Variants in TNR observed in about 807,000 individuals in gnomAD.
TNR encodes tenascin-R.
In TNR, 45 loss-of-function variants were observed where a neutral mutation model predicts 150.4. The ratio of observed to expected loss-of-function variants is 0.30; its 90% CI spans 0.24 to 0.38. The LOEUF is 0.38. TNR is among the 10% of genes least tolerant of loss of function. The pLI, the probability that TNR is intolerant of heterozygous loss-of-function variation, is 1.00. For synonymous variants in TNR, 687 were observed against 678.4 expected, an observed-to-expected ratio of 1.01 and a Z score of -0.20; for missense variants, 1,544 against 1,759.1, an observed-to-expected ratio of 0.88 and a Z score of 2.19.
intron 1 of TNR, among the ~76,000 whole-genome samples, chr1:175,650,914 C>T (rs1380941546): frequency 2.2e-5 from 2 of 91,854 alleles, no homozygotes; most frequent in South Asian, 4.1e-4. Flanking sequence ...CACCTCATTA[C>T]TACCCCTCCC....
At chr1:175,624,437 T>A (rs1036410748) in intron 1 of TNR, among the ~76,000 whole-genome samples, 2 of 152,090 alleles carry the variant, frequency 1.3e-5, no homozygotes, top group African/African-American at 4.8e-5. Context: ...TTATGACTGG[T>A]ATCTTTATAA....
intron 2 of TNR, among the ~76,000 whole-genome samples, chr1:175,431,728 A>G (rs931571280): frequency 1.3e-4 from 20 of 151,498 alleles, no homozygotes; most frequent in African/African-American, 4.6e-4. Context: ...AGTAGTGGTC[A>G]TGGTGGTAGT....
intron 1 of TNR, among the ~76,000 whole-genome samples, chr1:175,668,593 G>A (rs767442900): frequency 2.0e-5 from 3 of 152,118 alleles, no homozygotes; most frequent in South Asian, 2.1e-4. Context: ...TGGCTGTCAC[G>A]AATACTGACA....
At chr1:175,617,378 A>C (rs559690980) in intron 1 of TNR, among the ~76,000 whole-genome samples, 39 of 152,112 alleles carry the variant, frequency 2.6e-4, no homozygotes, top group African/African-American at 8.4e-4. Context: ...TCCCAGACAC[A>C]GCTTGCATTT....
intron 1 of TNR, among the ~76,000 whole-genome samples, chr1:175,703,033 TA>T (rs1666741776): frequency 6.6e-6 from 1 of 151,320 alleles, no homozygotes; most frequent in East Asian, 1.9e-4. Context: ...GAAAATTTTT[TA>T]AATAAAAGAA....
intron 9 of TNR, among the ~76,000 whole-genome samples, chr1:175,378,278 C>T (rs748575822): frequency 1.2e-4 from 18 of 151,428 alleles, no homozygotes; most frequent in Non-Finnish European, 2.6e-4. Context: ...CAATCCATGC[C>T]CAAGTCATAG....
chr1:175,735,696 T>C (rs1216488673), intron 1 of TNR, among the ~76,000 whole-genome samples: 1 of 152,094 alleles, frequency 6.6e-6, no homozygotes, highest in African/African-American at 2.4e-5. Flanking sequence ...GTTCTTCTTA[T>C]GGAAAACAAA....
chr1:175,739,800 C>CACAAGCTCTATCACAAG (rs1157303562), intron 1 of TNR, among the ~76,000 whole-genome samples: 1 of 152,170 alleles, frequency 6.6e-6, no homozygotes, highest in African/African-American at 2.4e-5. Context: ...AATGAACTCT[C>CACAAGCTCTATCACAAG]CTCTTTCTTT....
At chr1:175,472,552 G>A (rs777629184) in intron 2 of TNR, among the ~76,000 whole-genome samples, 29 of 152,096 alleles carry the variant, frequency 1.9e-4, no homozygotes, top group African/African-American at 6.3e-4. Context: ...TAATGCATTG[G>A]GCTACAACAT....
chr1:175,699,322 A>G (rs558307974), intron 1 of TNR, among the ~76,000 whole-genome samples: 25 of 152,318 alleles, frequency 1.6e-4, no homozygotes, highest in Non-Finnish European at 3.4e-4. Flanking sequence ...ATGGACAGGA[A>G]AGATAGTGTG....
chr1:175,695,042 CA>C (rs1463344587), intron 1 of TNR, among the ~76,000 whole-genome samples: 1 of 152,230 alleles, frequency 6.6e-6, no homozygotes, highest in Non-Finnish European at 1.5e-5. Flanking sequence ...ACTCCCCCTT[CA>C]AAAGGTGGAG....
At chr1:175,354,297 A>T in intron 18 of TNR, 94 bp downstream of exon 18, 3 of 1,499,278 alleles carry the variant, frequency 2.0e-6, no homozygotes, top group Non-Finnish European at 2.7e-6. Flanking sequence ...CTTTTTTGAT[A>T]AACTGCTCCC....
At chr1:175,690,475 G>T (rs1353909187) in intron 1 of TNR, among the ~76,000 whole-genome samples, 1 of 152,190 alleles carries the variant, frequency 6.6e-6, no homozygotes, top group African/African-American at 2.4e-5. Context: ...AGAGCAAGAA[G>T]GGGCATTCCA....
chr1:175,661,938 C>A (rs1041773149), intron 1 of TNR, among the ~76,000 whole-genome samples: 9 of 151,978 alleles, frequency 5.9e-5, no homozygotes, highest in Middle Eastern at 3.2e-3. Context: ...TAAGACCAGA[C>A]AAAGCTACTC....
intron 2 of TNR, among the ~76,000 whole-genome samples, chr1:175,467,170 C>G (rs1417578993): frequency 1.3e-5 from 2 of 152,036 alleles, no homozygotes; most frequent in African/African-American, 4.8e-5. Flanking sequence ...TTCTAAGTGC[C>G]CTAGAGTCCT....
At chr1:175,559,368 T>C (rs534216345) in intron 1 of TNR, among the ~76,000 whole-genome samples, 4 of 152,162 alleles carry the variant, frequency 2.6e-5, no homozygotes, top group Non-Finnish European at 4.4e-5. Context: ...ATTTCAAACA[T>C]AGAAAATGAT....
chr1:175,514,559 AT>A lies in TNR; in HGVS notation c.-64+13709del, dbSNP rs1659325176. Among the ~76,000 whole-genome samples the A allele has an allele frequency of 5.3e-5, 8 of 152,356 alleles. No homozygotes were observed. The South Asian group carries it at 1.7e-3, about 32-fold the overall frequency. ...AGCTGGACTATTCAACCAGGGAACC[AT>A]GGTTCCCAGGGAAACAGTCTGAGAA... is the stretch of plus-strand genomic sequence containing the variant. On this transcript the variant is annotated intron_variant, in intron 2 of 22. Coordinates refer to ENST00000367674, the MANE Select transcript of TNR (RefSeq NM_003285.3).
chr1:175,504,563 T>C (rs1012775404), intron 2 of TNR, among the ~76,000 whole-genome samples: 1 of 152,182 alleles, frequency 6.6e-6, no homozygotes, highest in Admixed American at 6.5e-5. Flanking sequence ...GGCTGCTGTC[T>C]CCAGGTCTAC....
At chr1:175,356,530 C>A in intron 15 of TNR, 68 bp from the exon 16 acceptor site, 1 of 1,578,810 alleles carries the variant, frequency 6.3e-7, no homozygotes, top group South Asian at 1.2e-5. Flanking sequence ...CTACCAAATC[C>A]AAAGGTATTT....
Sources: gnomAD v4.1 joint callset for allele counts (sites outside exome capture counted in the v4.1 genomes callset) on GRCh38, gnomAD v4.1.1 for gene constraint, MANE v1.5 for transcripts, NCBI Gene and HGNC (gene_info 2026-07-23, HGNC 2026-07-21) for gene names.